DOCK4: variants seen among roughly 807,000 people sequenced by gnomAD.
DOCK4 encodes dedicator of cytokinesis protein 4.
A neutral mutation model predicts 268.1 loss-of-function variants in DOCK4; 97 were observed. That is an observed-to-expected ratio of 0.36 (90% CI 0.31 to 0.43). The LOEUF is 0.43. Ranked by LOEUF, DOCK4 falls within the 20% of genes least tolerant of loss-of-function variation. DOCK4 has a pLI of 1.00. For missense variants in DOCK4, 2,145 were observed against 2,455.7 expected (o/e 0.87, Z 2.67); for synonymous variants, 954 against 887.2 (o/e 1.08, Z -1.34).
chr7:111,933,089 CGTATATACACATATATAT>C (rs1794337719), intron 12 of DOCK4, among the ~76,000 whole-genome samples: 7 of 135,170 alleles, frequency 5.2e-5, no homozygotes, highest in African/African-American at 2.0e-4. Flanking sequence ...CATATATATA[CGTATATACACATATATAT>C]ACGTATATAC....
chr7:111,949,804 A>G (rs6977849), intron 8 of DOCK4, among the ~76,000 whole-genome samples: 14,829 of 152,218 alleles, frequency 0.097, 987 homozygotes, highest in East Asian at 0.37. Flanking sequence ...GACCTATATT[A>G]ACGTATTTTG....
intron 39 of DOCK4, among the ~76,000 whole-genome samples, chr7:111,764,660 C>T (rs936712003): frequency 6.6e-6 from 1 of 152,122 alleles, no homozygotes; most frequent in Admixed American, 6.6e-5. Flanking sequence ...AATTGGGTCT[C>T]TTTGCTGGGT....
intron 8 of DOCK4, among the ~76,000 whole-genome samples, chr7:111,956,692 A>G (rs951800913): frequency 1.3e-5 from 2 of 152,194 alleles, no homozygotes; most frequent in East Asian, 3.8e-4. Context: ...TTTCTCTTGC[A>G]ACATGTGGAT....
At chr7:111,752,240 T>C (rs781255197) in intron 42 of DOCK4, among the ~76,000 whole-genome samples, 2 of 152,182 alleles carry the variant, frequency 1.3e-5, no homozygotes, top group Non-Finnish European at 2.9e-5. Flanking sequence ...TCAGGCTCAT[T>C]ATATCATTAT....
chr7:111,859,831 T>C (rs986538990), intron 23 of DOCK4, among the ~76,000 whole-genome samples: 5 of 152,086 alleles, frequency 3.3e-5, no homozygotes, highest in Non-Finnish European at 7.4e-5. Flanking sequence ...CCTCCCAAAG[T>C]GCTGGGATTA....
At chr7:112,190,253 A>C (rs1393528850) in intron 1 of DOCK4, among the ~76,000 whole-genome samples, 1 of 152,168 alleles carries the variant, frequency 6.6e-6, no homozygotes, top group African/African-American at 2.4e-5. Context: ...GCTGAACCAC[A>C]CAGCATCTCT....
rs1795123143 is a variant in DOCK4, at chr7:111,940,493, A to AGATCC, written c.845-256_845-252dup. Among the ~76,000 whole-genome samples, 4 of 152,356 alleles carry AGATCC rather than the reference A, an allele frequency of 2.6e-5. No individual in the cohort carries two copies. The Middle Eastern group carries it at 0.01, about 389-fold the overall frequency. On this transcript the variant is annotated intron_variant, in intron 10 of 52. Transcript: ENST00000428084. ...ATCTGTAAAATACAAAGACTGGAAC[A>AGATCC]GATCCCATGTTTGGGAACCATCCCC...
At chr7:112,148,493 G>C (rs1182723943) in intron 1 of DOCK4, among the ~76,000 whole-genome samples, 11 of 152,104 alleles carry the variant, frequency 7.2e-5, no homozygotes. Flanking sequence ...TGATAGAGTC[G>C]TTTTGTGCTT....
chr7:111,847,835 C>T (rs964499879), intron 23 of DOCK4, among the ~76,000 whole-genome samples: 4 of 152,104 alleles, frequency 2.6e-5, no homozygotes, highest in Admixed American at 6.6e-5. Context: ...ATCAGCAGCA[C>T]GAAAATGGAC....
In DOCK4 at chr7:111,737,617, C is replaced by T. The variant is rs141810707; in HGVS notation, c.5233-628G>A. Reference sequence around the variant, plus strand: ...CTACAATTTTTAACTTATAAAAATGCCAGTTTTACATGGTTTTACCTAATA... The same window carrying T: ...CTACAATTTTTAACTTATAAAAATGTCAGTTTTACATGGTTTTACCTAATA... On this transcript the variant is annotated intron_variant, in intron 49 of 52. Coordinates refer to ENST00000428084, the MANE Select transcript of DOCK4 (RefSeq NM_001363540.2). Among the ~76,000 whole-genome samples the T allele has an allele frequency of 1.8e-4, 27 of 152,134 alleles. No homozygotes were observed. The East Asian group carries it at 5.0e-3, about 28-fold the overall frequency.
chr7:111,991,030 A>T (rs1799479953), intron 5 of DOCK4, among the ~76,000 whole-genome samples: 1 of 152,110 alleles, frequency 6.6e-6, no homozygotes, highest in Admixed American at 6.5e-5. Flanking sequence ...GTCAAATCTC[A>T]TGTAGCAAAG....
At chr7:111,917,518 C>G (rs949130162) in intron 12 of DOCK4, among the ~76,000 whole-genome samples, 2 of 151,702 alleles carry the variant, frequency 1.3e-5, no homozygotes, top group Non-Finnish European at 2.9e-5. Context: ...TCAAGACCAT[C>G]CTGGCTAACA....
intron 12 of DOCK4, among the ~76,000 whole-genome samples, chr7:111,926,417 G>A (rs1167148130): frequency 2.9e-5 from 4 of 137,500 alleles, no homozygotes; most frequent in South Asian, 4.6e-4. Flanking sequence ...GCGACACAGC[G>A]AGACAAAGAA....
intron 1 of DOCK4, among the ~76,000 whole-genome samples, chr7:112,050,675 A>G (rs540015039): frequency 6.6e-6 from 1 of 152,250 alleles, no homozygotes; most frequent in African/African-American, 2.4e-5. Flanking sequence ...CAAGCGTGCA[A>G]GAGAGAAAGC....
intron 35 of DOCK4, among the ~76,000 whole-genome samples, chr7:111,779,135 C>T (rs577939172): frequency 4.3e-4 from 65 of 150,638 alleles, no homozygotes; most frequent in African/African-American, 1.5e-3. Context: ...TGAGTAAAAG[C>T]AATGTAAAAG....
At chr7:112,183,291 G>T (rs1408844601) in intron 1 of DOCK4, among the ~76,000 whole-genome samples, 4 of 152,188 alleles carry the variant, frequency 2.6e-5, no homozygotes, top group Non-Finnish European at 4.4e-5. Context: ...GGAGAACTGT[G>T]AGCTCTTAAC....
In DOCK4 at chr7:111,758,813, A is replaced by T. The variant is rs1297641479; in HGVS notation, c.4163-23T>A. 3 of 1,611,936 alleles carry T rather than the reference A, an allele frequency of 1.9e-6. No individual in the cohort carries two copies. In the East Asian group the frequency reaches 6.7e-5, roughly 36 times the overall value. Reference sequence around the variant, plus strand: ...AATCTAGGATTCAAGAGTCAAGGAGAGAACCTGACTTGGCAAACTCCATGG... The same window carrying T: ...AATCTAGGATTCAAGAGTCAAGGAGTGAACCTGACTTGGCAAACTCCATGG... On this transcript the variant is annotated intron_variant, in intron 40 of 52. Coordinates refer to ENST00000428084, the MANE Select transcript of DOCK4 (RefSeq NM_001363540.2).
At chr7:112,157,902 C>T (rs1366295466) in intron 1 of DOCK4, among the ~76,000 whole-genome samples, 1 of 151,976 alleles carries the variant, frequency 6.6e-6, no homozygotes, top group Non-Finnish European at 1.5e-5. Context: ...ATGATTAGCA[C>T]ATAAGGATGG....
chr7:112,193,132 T>TA (rs1322605644), intron 1 of DOCK4, among the ~76,000 whole-genome samples: 2 of 152,108 alleles, frequency 1.3e-5, no homozygotes, highest in Non-Finnish European at 2.9e-5. Flanking sequence ...TAGGTTTTTA[T>TA]AAAAAACTGT....
Sources: gnomAD v4.1 joint callset for allele counts (sites outside exome capture counted in the v4.1 genomes callset) on GRCh38, gnomAD v4.1.1 for gene constraint, MANE v1.5 for transcripts, NCBI Gene and HGNC (gene_info 2026-07-23, HGNC 2026-07-21) for gene names.